The following INO80 variants were observed in gnomAD, a reference collection of about 807,000 sequenced individuals.
INO80 encodes chromatin-remodeling ATPase INO80.
A neutral mutation model predicts 203.4 loss-of-function variants in INO80; 20 were observed. That is an observed-to-expected ratio of 0.10 (90% confidence interval 0.07 to 0.14). The LOEUF is 0.14. INO80 is among the 10% of genes least tolerant of loss of function. The probability of loss-of-function intolerance (pLI) is 1.00; values close to 1 mark genes in which losing one functional copy is unlikely to be tolerated. For synonymous variants in INO80, 726 were observed against 685.2 expected (o/e 1.06, Z -0.93); for missense variants, 1,419 against 1,914.4 (o/e 0.74, Z 4.83).
intron 6 of INO80, among the ~76,000 whole-genome samples, chr15:41,086,650 CA>C (rs758638165): frequency 0.14 from 14,541 of 101,690 alleles, 2,100 homozygotes; most frequent in African/African-American, 0.39. Context: ...GACTCCATCT[CA>C]AAAAAAAAAA....
intron 18 of INO80, among the ~76,000 whole-genome samples, chr15:41,054,701 C>T (rs1208853862): frequency 2.0e-5 from 3 of 152,128 alleles, no homozygotes; most frequent in South Asian, 4.1e-4. Context: ...TGCAATGATG[C>T]AATCTCGGCT....
chr15:41,032,938 T>A (rs2044512996), intron 24 of INO80, among the ~76,000 whole-genome samples: 1 of 152,122 alleles, frequency 6.6e-6, no homozygotes, highest in African/African-American at 2.4e-5. Flanking sequence ...CTCAGGAGGC[T>A]GAGGCAGGAG....
intron 21 of INO80, among the ~76,000 whole-genome samples, 175 bp downstream of exon 21, chr15:41,049,112 A>C (rs2044818512): frequency 6.6e-6 from 1 of 152,214 alleles, no homozygotes; most frequent in African/African-American, 2.4e-5. Context: ...ACCTAGCTGA[A>C]GTTTTAACAG....
chr15:41,017,850 T>G (rs2044233809), intron 26 of INO80: 1 of 152,196 alleles, frequency 6.6e-6, no homozygotes, highest in Non-Finnish European at 1.5e-5. Flanking sequence ...TTTGTTGGTC[T>G]CCTTACCAAC....
chr15:41,062,368 G>A (rs556963115), intron 14 of INO80, among the ~76,000 whole-genome samples: 1 of 152,042 alleles, frequency 6.6e-6, no homozygotes, highest in Non-Finnish European at 1.5e-5. Flanking sequence ...CTGGGAGGCT[G>A]AGGCGGATGG....
intron 9 of INO80, among the ~76,000 whole-genome samples, chr15:41,076,674 T>A (rs151221615): frequency 1.3e-5 from 2 of 151,952 alleles, no homozygotes; most frequent in Non-Finnish European, 2.9e-5. Context: ...CCCAAGAGAT[T>A]GATGCTGCAC....
At chr15:40,987,048 C>T in intron 31 of INO80, 43 bp downstream of exon 31, 1 of 1,152,576 alleles carries the variant, frequency 8.7e-7, no homozygotes, top group Non-Finnish European at 1.3e-6. Context: ...CTCTTCCATT[C>T]TCAGATACGT....
At chr15:41,075,516 G>A (rs1166072305) in intron 9 of INO80, among the ~76,000 whole-genome samples, 3 of 152,054 alleles carry the variant, frequency 2.0e-5, no homozygotes, top group African/African-American at 4.8e-5. Flanking sequence ...GTGCAGTGGC[G>A]TGATCTTGGC....
intron 24 of INO80, among the ~76,000 whole-genome samples, chr15:41,031,146 A>G (rs760110576): frequency 2.6e-5 from 4 of 152,140 alleles, no homozygotes; most frequent in Non-Finnish European, 5.9e-5. Flanking sequence ...GTTTTACCCA[A>G]TATATACTTT....
At chr15:40,986,862 A>AC (rs769445205) in intron 31 of INO80, among the ~76,000 whole-genome samples, 1 of 152,102 alleles carries the variant, frequency 6.6e-6, no homozygotes, top group Non-Finnish European at 1.5e-5. Flanking sequence ...CAAACTCCTG[A>AC]CCTCAGGTGA....
intron 28 of INO80, chr15:41,005,357 A>T (rs1289463809): frequency 2.4e-6 from 1 of 411,316 alleles, no homozygotes; most frequent in Non-Finnish European, 4.3e-6. Flanking sequence ...CACTGGTGTC[A>T]TAAGAAAGCA....
intron 1 of INO80, among the ~76,000 whole-genome samples, chr15:41,097,033 G>C (rs1044242700): frequency 6.9e-6 from 1 of 145,854 alleles, no homozygotes; most frequent in African/African-American, 2.8e-5. Context: ...ATCTTCACTA[G>C]AGACACAATC....
intron 26 of INO80, 111 bp from the exon 27 acceptor site, chr15:41,016,326 C>A: frequency 7.6e-6 from 8 of 1,049,338 alleles, no homozygotes; most frequent in East Asian, 2.6e-5. Flanking sequence ...TGCTTGTCAT[C>A]ATGAGATCAG....
intron 27 of INO80, 97 bp downstream of exon 27, chr15:41,015,991 G>T: frequency 1.1e-6 from 1 of 932,206 alleles, no homozygotes; most frequent in Non-Finnish European, 1.6e-6. Context: ...GGGAGTTTTG[G>T]GGCTCCCATT....
rs117053540 is a variant in INO80 at position 41,115,010 on chromosome 15, G to A, written c.-44+963C>T. Among the ~76,000 whole-genome samples the A allele has an allele frequency of 9.0e-4, 137 of 152,108 alleles. 2 individuals are homozygous for A. The East Asian group carries it at 0.017, about 19-fold the overall frequency. ...TACTTAATTATACGCTTTAGAAAGC[G>A]GAATTTTTTGGTATTTGAATCATAT... On this transcript the variant is annotated intron_variant, in intron 1 of 35. Transcript: ENST00000648947.
chr15:41,075,709 C>T (rs2140609707), intron 9 of INO80, among the ~76,000 whole-genome samples: 1 of 152,262 alleles, frequency 6.6e-6, no homozygotes, highest in Middle Eastern at 3.4e-3. Flanking sequence ...CCGTCTCAGC[C>T]TCCCAAAGTG....
chr15:41,014,786 A>T (rs1464149593), intron 27 of INO80, among the ~76,000 whole-genome samples: 1 of 152,216 alleles, frequency 6.6e-6, no homozygotes, highest in African/African-American at 2.4e-5. Flanking sequence ...TGCAAAATTC[A>T]ACAAGCCAAT....
chr15:41,059,191 G>C (rs1566932704), intron 15 of INO80, among the ~76,000 whole-genome samples: 1 of 151,210 alleles, frequency 6.6e-6, no homozygotes, highest in Non-Finnish European at 1.5e-5. Context: ...CGAACTCCTG[G>C]ACTCAAGTGA....
At chr15:41,093,904 T>C (rs1042281351) in intron 4 of INO80, among the ~76,000 whole-genome samples, 3 of 152,124 alleles carry the variant, frequency 2.0e-5, no homozygotes, top group Non-Finnish European at 2.9e-5. Flanking sequence ...CAATGAATTA[T>C]AACTCAATTT....
Sources: gnomAD v4.1 joint callset for allele counts (sites outside exome capture counted in the v4.1 genomes callset) on GRCh38, gnomAD v4.1.1 for gene constraint, MANE v1.5 for transcripts, NCBI Gene and HGNC (gene_info 2026-07-23, HGNC 2026-07-21) for gene names.